MME: variants seen among roughly 807,000 people sequenced by gnomAD.
MME encodes the protein neprilysin.
MME carries 98 observed loss-of-function variants against 113.2 expected under a neutral mutation model. That is an observed-to-expected ratio of 0.87 (90% CI 0.74 to 1.02). The LOEUF is 1.02. Among genes scored for constraint, MME ranks in the 50% least tolerant of loss-of-function variants. MME has a pLI of 0.00. For synonymous variants in MME, 292 were observed against 300.6 expected (o/e 0.97, Z 0.30); for missense variants, 836 against 896.0 (o/e 0.93, Z 0.86).
intron 8 of MME, among the ~76,000 whole-genome samples, chr3:155,125,280 G>A (rs1719535745): frequency 8.8e-6 from 1 of 113,054 alleles, no homozygotes; most frequent in South Asian, 3.2e-4. Flanking sequence ...TTCGGCTCAC[G>A]CACGGTGCGT....
At chr3:155,166,052 A>G (rs758831353) in intron 17 of MME, among the ~76,000 whole-genome samples, 4 of 152,210 alleles carry the variant, frequency 2.6e-5, no homozygotes, top group Non-Finnish European at 5.9e-5. Context: ...AGGACACATT[A>G]GTAAGTTAGG....
chr3:155,163,323 T>C (rs969468228), intron 17 of MME, among the ~76,000 whole-genome samples: 1 of 152,224 alleles, frequency 6.6e-6, no homozygotes, highest in African/African-American at 2.4e-5. Context: ...CAATAATTTC[T>C]ACTTCTTAAT....
intron 9 of MME, among the ~76,000 whole-genome samples, chr3:155,139,503 T>C (rs1028057924): frequency 7.2e-5 from 11 of 152,208 alleles, no homozygotes; most frequent in Non-Finnish European, 1.5e-4. Flanking sequence ...TTTAAACCTT[T>C]ACCTTTTGTC....
intron 3 of MME, among the ~76,000 whole-genome samples, chr3:155,110,516 C>A (rs1476339920): frequency 6.6e-6 from 1 of 152,016 alleles, no homozygotes; most frequent in Non-Finnish European, 1.5e-5. Flanking sequence ...TTTTAAATTC[C>A]TATAGTCAAA....
intron 3 of MME, among the ~76,000 whole-genome samples, chr3:155,107,336 G>A (rs1048909300): frequency 7.2e-6 from 1 of 138,154 alleles, no homozygotes; most frequent in African/African-American, 2.7e-5. Flanking sequence ...CTAGGCAACA[G>A]AATGAGACTC....
rs373620884 is a variant in MME at position 155,069,884 on chromosome 3, G to A, written c.-10-14274G>A. On this transcript the variant is annotated intron_variant, in intron 1 of 22. Coordinates refer to the MME transcript ENST00000492661. ...CCTTGTCCATGTGATGTTGGTTAAC[G>A]TCAGCAGAAGGACCTTATTGAGAAC... Among the ~76,000 whole-genome samples the A allele has an allele frequency of 9.9e-5, 15 of 152,256 alleles. No individual in the cohort carries two copies. The East Asian group carries it at 2.1e-3, about 22-fold the overall frequency.
intron 1 of MME, among the ~76,000 whole-genome samples, chr3:155,026,038 A>T (rs1254347138): frequency 6.6e-6 from 1 of 152,108 alleles, no homozygotes; most frequent in Non-Finnish European, 1.5e-5. Context: ...ACACAGAAAG[A>T]AAGTACAGAT....
Position 155,140,293 on chromosome 3 carries a change from G to C in MME, c.957+1G>C. ...CTTTTCACTAGAGATCAATGGGAAGGTAAGTGGTAAGTTTTTTGTGCTCTC... is the reference window on the plus strand; with the variant it reads ...CTTTTCACTAGAGATCAATGGGAAGCTAAGTGGTAAGTTTTTTGTGCTCTC... On this transcript the variant is annotated splice_donor_variant, in intron 10 of 22. Coordinates refer to ENST00000360490, the MANE Select transcript of MME (RefSeq NM_007289.4). LOFTEE classifies it high-confidence loss of function. 6.3e-7 allele frequency: 1 copy of C among 1,587,950 alleles called. No homozygotes were observed. The highest frequency in any genetic ancestry group is 8.6e-7 in the Non-Finnish European group (1 of 1,157,240).
At chr3:155,081,716 T>C (rs905783872) in intron 1 of MME, 1 of 152,004 alleles carries the variant, frequency 6.6e-6, no homozygotes, top group Admixed American at 6.6e-5. Flanking sequence ...TGGGGTTTAG[T>C]CATATGTTCC....
At chr3:155,125,713 C>T (rs1422789598) in intron 8 of MME, among the ~76,000 whole-genome samples, 1 of 151,912 alleles carries the variant, frequency 6.6e-6, no homozygotes, top group Non-Finnish European at 1.5e-5. Flanking sequence ...CCTGCCTCGG[C>T]CCCCTAAAGT....
chr3:155,104,281 A>G (rs1717505026), intron 3 of MME, among the ~76,000 whole-genome samples: 1 of 152,108 alleles, frequency 6.6e-6, no homozygotes, highest in Non-Finnish European at 1.5e-5. Flanking sequence ...TTTTGGAGAA[A>G]GCCAATGATT....
At chr3:155,111,194 G>C (rs1444221571) in intron 3 of MME, among the ~76,000 whole-genome samples, 2 of 152,216 alleles carry the variant, frequency 1.3e-5, no homozygotes, top group African/African-American at 4.8e-5. Flanking sequence ...AGTCAGCACA[G>C]AGGAGGTCCA....
chr3:155,155,711 G>C (rs1222378424), intron 16 of MME, among the ~76,000 whole-genome samples: 1 of 152,156 alleles, frequency 6.6e-6, no homozygotes, highest in South Asian at 2.1e-4. Context: ...TTCTTTCCTG[G>C]AAGTTCTCAG....
intron 1 of MME, among the ~76,000 whole-genome samples, chr3:155,043,510 T>A (rs1439990143): frequency 6.6e-6 from 1 of 151,940 alleles, no homozygotes; most frequent in East Asian, 1.9e-4. Context: ...TTATGTATTT[T>A]TAGTAGAGAT....
chr3:155,106,957 T>C (rs1717739218), intron 3 of MME, among the ~76,000 whole-genome samples: 1 of 152,192 alleles, frequency 6.6e-6, no homozygotes, highest in South Asian at 2.1e-4. Flanking sequence ...TGTTGTGTGT[T>C]TGGGGTTAGG....
chr3:155,127,683 A>G (rs1404173513), intron 8 of MME, among the ~76,000 whole-genome samples: 1 of 152,238 alleles, frequency 6.6e-6, no homozygotes, highest in African/African-American at 2.4e-5. Context: ...TTTGTGATCA[A>G]ATAACACAGT....
chr3:155,067,002 T>C (rs1313588847), intron 1 of MME, among the ~76,000 whole-genome samples: 1 of 152,164 alleles, frequency 6.6e-6, no homozygotes, highest in Non-Finnish European at 1.5e-5. Context: ...TAGCATGTTT[T>C]AGAACTCACC....
At chr3:155,036,440 C>T (rs1251433766) in intron 1 of MME, among the ~76,000 whole-genome samples, 1 of 152,140 alleles carries the variant, frequency 6.6e-6, no homozygotes, top group African/African-American at 2.4e-5. Context: ...CCAGCCATCA[C>T]AGGCTCCAGG....
intron 1 of MME, among the ~76,000 whole-genome samples, chr3:155,052,255 C>A (rs1207889259): frequency 6.6e-6 from 1 of 152,142 alleles, no homozygotes; most frequent in Non-Finnish European, 1.5e-5. Flanking sequence ...CAGTGTATCT[C>A]CCATTCTGGG....
Sources: gnomAD v4.1 joint callset for allele counts (sites outside exome capture counted in the v4.1 genomes callset) on GRCh38, gnomAD v4.1.1 for gene constraint, MANE v1.5 for transcripts, NCBI Gene and HGNC (gene_info 2026-07-23, HGNC 2026-07-21) for gene names.